EML6: variants seen among roughly 807,000 people sequenced by gnomAD.
EML6 encodes the protein echinoderm microtubule-associated protein-like 6.
A neutral mutation model predicts 240.1 loss-of-function variants in EML6; 154 were observed. The observed-to-expected ratio is 0.64, with a 90% CI of 0.56 to 0.73. EML6 has a LOEUF of 0.73. Among genes scored for constraint, EML6 ranks in the 30% least tolerant of loss-of-function variants. The pLI, the probability that EML6 is intolerant of heterozygous loss-of-function variation, is 0.00. For missense variants in EML6, 2,964 were observed against 2,474.6 expected, an observed-to-expected ratio of 1.20 and a Z score of -4.20; for synonymous variants, 1,148 against 899.0, an observed-to-expected ratio of 1.28 and a Z score of -4.95.
At chr2:54,785,392 C>A (rs544120278) in intron 2 of EML6, among the ~76,000 whole-genome samples, 1 of 151,930 alleles carries the variant, frequency 6.6e-6, no homozygotes, top group Admixed American at 6.6e-5. Context: ...CCAGGCTGGT[C>A]TTGAACTCCG....
chr2:54,951,702 GAAAAAA>G (rs11355745), intron 30 of EML6, among the ~76,000 whole-genome samples: 1 of 147,098 alleles, frequency 6.8e-6, no homozygotes, highest in Non-Finnish European at 1.5e-5. Context: ...CATGCCTCAA[GAAAAAA>G]AAAAAAACAC....
chr2:54,868,903 T>G (rs1025923726), intron 14 of EML6: 6 of 354,994 alleles, frequency 1.7e-5, no homozygotes, highest in East Asian at 4.5e-5. Flanking sequence ...ATCACAGATG[T>G]GTTCTCAGAT....
chr2:54,804,157 T>G (rs1670339697), intron 2 of EML6, among the ~76,000 whole-genome samples: 4 of 152,262 alleles, frequency 2.6e-5, no homozygotes. Flanking sequence ...AGTAACATTT[T>G]GCCATCTGGC....
chr2:54,824,066 C>T (rs1265433011), intron 5 of EML6, among the ~76,000 whole-genome samples: 1 of 152,130 alleles, frequency 6.6e-6, no homozygotes, highest in African/African-American at 2.4e-5. Flanking sequence ...GCTCTTTACA[C>T]TGAGAAATTT....
intron 2 of EML6, among the ~76,000 whole-genome samples, chr2:54,807,622 A>G (rs925507640): frequency 6.6e-5 from 10 of 152,198 alleles, no homozygotes; most frequent in African/African-American, 1.4e-4. Flanking sequence ...CACACCATCT[A>G]TGGTATTTCT....
At chr2:54,729,808 T>G (rs1207567017) in intron 2 of EML6, among the ~76,000 whole-genome samples, 4 of 152,230 alleles carry the variant, frequency 2.6e-5, no homozygotes, top group Admixed American at 6.5e-5. Context: ...TTGAAGTAGA[T>G]CATTAGAATT....
intron 18 of EML6, 131 bp from the exon 19 acceptor site, chr2:54,892,323 C>T: frequency 1.6e-6 from 1 of 635,332 alleles, no homozygotes; most frequent in Non-Finnish European, 2.8e-6. Context: ...ATGATGTTCT[C>T]TGTCACTTTT....
At chr2:54,726,642 C>T (rs780011676) in intron 2 of EML6, among the ~76,000 whole-genome samples, 2 of 152,176 alleles carry the variant, frequency 1.3e-5, no homozygotes, top group Non-Finnish European at 2.9e-5. Flanking sequence ...CCCTCCCTAA[C>T]ATGGTAGTTG....
intron 16 of EML6, among the ~76,000 whole-genome samples, chr2:54,875,535 T>A (rs570512287): frequency 1.3e-5 from 2 of 152,302 alleles, no homozygotes; most frequent in East Asian, 3.9e-4. Context: ...GTCCTGGAAA[T>A]ATAAAGCAGG....
intron 2 of EML6, among the ~76,000 whole-genome samples, chr2:54,742,032 A>G (rs1159444578): frequency 3.9e-5 from 6 of 152,242 alleles, no homozygotes; most frequent in Admixed American, 1.3e-4. Context: ...CACCATAACT[A>G]AATTCAAATT....
chr2:54,827,960 T>C (rs1304321467), intron 6 of EML6, among the ~76,000 whole-genome samples: 1 of 152,180 alleles, frequency 6.6e-6, no homozygotes, highest in Non-Finnish European at 1.5e-5. Context: ...CCTTAACTAT[T>C]AATTGCTTGA....
chr2:54,834,572 A>T (rs1191642747), intron 7 of EML6, among the ~76,000 whole-genome samples: 3 of 152,234 alleles, frequency 2.0e-5, no homozygotes, highest in Non-Finnish European at 4.4e-5. Context: ...GAAGTCCTGA[A>T]AAGTATACTT....
chr2:54,921,469 A>T (rs111927917), intron 26 of EML6, among the ~76,000 whole-genome samples: 2 of 152,160 alleles, frequency 1.3e-5, no homozygotes, highest in African/African-American at 4.8e-5. Context: ...CATGGAGTGG[A>T]AGAACTAATA....
At chr2:54,860,916 G>A (rs1386702489) in intron 12 of EML6, among the ~76,000 whole-genome samples, 1 of 152,142 alleles carries the variant, frequency 6.6e-6, no homozygotes, top group African/African-American at 2.4e-5. Flanking sequence ...GGAGCAGAAG[G>A]GACTAGGAAT....
At chr2:54,800,118 G>A (rs1356983376) in intron 2 of EML6, among the ~76,000 whole-genome samples, 1 of 152,102 alleles carries the variant, frequency 6.6e-6, no homozygotes. Context: ...GGTGGCACAC[G>A]CCTGTAATCC....
intron 29 of EML6, among the ~76,000 whole-genome samples, chr2:54,949,691 C>T (rs1191509284): frequency 6.6e-6 from 1 of 152,172 alleles, no homozygotes; most frequent in African/African-American, 2.4e-5. Context: ...CTGGGAGAGT[C>T]CCACATTGCC....
intron 24 of EML6, among the ~76,000 whole-genome samples, chr2:54,908,967 G>A (rs567362022): frequency 1.1e-4 from 17 of 152,240 alleles, no homozygotes; most frequent in African/African-American, 2.9e-4. Flanking sequence ...CAGCACTTAC[G>A]GTACTTGTCT....
chr2:54,926,698 A>C (rs1674564907), intron 26 of EML6, among the ~76,000 whole-genome samples: 1 of 152,124 alleles, frequency 6.6e-6, no homozygotes, highest in African/African-American at 2.4e-5. Context: ...TTTCTTTCCT[A>C]TTCTGAGAAT....
Position 54,905,890 on chromosome 2 carries a change from A to C in EML6, c.3409+2388A>C, listed in dbSNP as rs141611571. ...TCCTTACTTTAAAGACTGAATGTTT[A>C]ATTTTATGTATAGACTGTATTTTGC... On this transcript the variant is annotated intron_variant, in intron 24 of 41. Transcript: ENST00000356458. Among the ~76,000 whole-genome samples, 137 of 151,706 alleles carry C rather than the reference A, an allele frequency of 9.0e-4. 2 individuals carry two copies. The highest frequency in any genetic ancestry group is 3.2e-3 in the African/African-American group (135 of 41,544).
Sources: allele counts gnomAD v4.1 joint callset (sites outside exome capture counted in the v4.1 genomes callset), GRCh38; gene constraint gnomAD v4.1.1; transcripts MANE v1.5; gene names NCBI Gene and HGNC (gene_info 2026-07-23, HGNC 2026-07-21).